The following RBFOX2 variants were observed in gnomAD, a reference collection of about 807,000 sequenced individuals.
RBFOX2 encodes the protein RNA binding protein fox-1 homolog 2.
Under a neutral mutation model 49.1 loss-of-function variants are expected in RBFOX2, and 10 were observed. That is an observed-to-expected ratio of 0.20 (90% CI 0.13 to 0.35). The LOEUF is 0.35. RBFOX2 is among the 10% of genes least tolerant of loss of function. The pLI, the probability that RBFOX2 is intolerant of heterozygous loss-of-function variation, is 1.00. For missense variants in RBFOX2, 323 were observed against 486.9 expected, an observed-to-expected ratio of 0.66 and a Z score of 3.17; for synonymous variants, 183 against 187.4, an observed-to-expected ratio of 0.98 and a Z score of 0.19.
intron 2 of RBFOX2, among the ~76,000 whole-genome samples, chr22:35,787,142 T>G (rs1946574107): frequency 1.3e-5 from 2 of 152,130 alleles, no homozygotes; most frequent in Non-Finnish European, 2.9e-5. Context: ...TGGGTTCAAC[T>G]GATCCTCCTG....
chr22:35,906,948 T>C (rs1164759249), intron 1 of RBFOX2, among the ~76,000 whole-genome samples: 2 of 152,198 alleles, frequency 1.3e-5, no homozygotes, highest in Admixed American at 6.5e-5. Flanking sequence ...ATCCTTACCA[T>C]AATCTTGTAT....
At chr22:35,916,375 G>A (rs933603223) in intron 1 of RBFOX2, among the ~76,000 whole-genome samples, 2 of 152,132 alleles carry the variant, frequency 1.3e-5, no homozygotes, top group African/African-American at 4.8e-5. Flanking sequence ...TCTGCCTCCC[G>A]GATTCAAGCA....
intron 1 of RBFOX2, among the ~76,000 whole-genome samples, chr22:35,923,512 C>T (rs1776889269): frequency 6.6e-6 from 1 of 152,164 alleles, no homozygotes; most frequent in Admixed American, 6.5e-5. Flanking sequence ...GCTGAGACTA[C>T]AGGTGCACAC....
chr22:35,780,692 T>C (rs1944965001), intron 3 of RBFOX2, among the ~76,000 whole-genome samples: 1 of 152,260 alleles, frequency 6.6e-6, no homozygotes, highest in African/African-American at 2.4e-5. Context: ...TTATTTCATT[T>C]AATTTATAAC....
At chr22:36,027,970 C>T (rs904207711) in intron 1 of RBFOX2, among the ~76,000 whole-genome samples, 1 of 152,154 alleles carries the variant, frequency 6.6e-6, no homozygotes, top group Non-Finnish European at 1.5e-5. Context: ...TCCATCTCAA[C>T]CTTGTTCGAT....
Position 35,990,084 on chromosome 22 carries a change from G to A in RBFOX2, c.186+38156C>T, listed in dbSNP as rs541596743. Among the ~76,000 whole-genome samples, 71 of 152,298 alleles carry A rather than the reference G, an allele frequency of 4.7e-4. No individual in the cohort carries two copies. The South Asian group carries it at 0.014, about 30-fold the overall frequency. ...TGTAATTCCAGCTACTCAGGAGGCT[G>A]AGGCAGAAGAATCGCTTCAACTCAG... On this transcript the variant is annotated intron_variant, in intron 1 of 13. Coordinates refer to the RBFOX2 transcript ENST00000438146.
chr22:35,806,415 G>A (rs983441308), intron 2 of RBFOX2, among the ~76,000 whole-genome samples: 1 of 152,066 alleles, frequency 6.6e-6, no homozygotes, highest in Non-Finnish European at 1.5e-5. Context: ...GGCGCGTGGG[G>A]AATGAAGCTA....
At chr22:35,893,509 C>T (rs938061442) in intron 1 of RBFOX2, among the ~76,000 whole-genome samples, 1 of 152,172 alleles carries the variant, frequency 6.6e-6, no homozygotes, top group Non-Finnish European at 1.5e-5. Context: ...GTCAACAGGG[C>T]TGATCAATCC....
upstream of RBFOX2, among the ~76,000 whole-genome samples, chr22:35,842,012 G>A (rs2040558562): frequency 6.6e-6 from 1 of 152,070 alleles, no homozygotes; most frequent in South Asian, 2.1e-4. Context: ...AGGCAACATG[G>A]CAAATCCCTA....
At chr22:35,915,166 A>G (rs2050267564) in intron 1 of RBFOX2, among the ~76,000 whole-genome samples, 2 of 152,186 alleles carry the variant, frequency 1.3e-5, no homozygotes, top group Non-Finnish European at 1.5e-5. Context: ...CTCCTTTAAG[A>G]GCAGCCCCAT....
chr22:35,739,771 T>C (rs1230533396), exon 12 of RBFOX2: 4 of 152,568 alleles, frequency 2.6e-5, no homozygotes, highest in Non-Finnish European at 4.4e-5. Context: ...CCCTTTTTGC[T>C]CGCCAGTGTG....
At chr22:35,868,996 C>CCTTT (rs2044021229) in intron 1 of RBFOX2, among the ~76,000 whole-genome samples, 1 of 152,162 alleles carries the variant, frequency 6.6e-6, no homozygotes, top group South Asian at 2.1e-4. Flanking sequence ...AAGGGCTTTA[C>CCTTT]CTTTATTTCT....
intron 2 of RBFOX2, among the ~76,000 whole-genome samples, chr22:35,808,993 A>G (rs1009910777): frequency 6.6e-6 from 1 of 152,026 alleles, no homozygotes. Flanking sequence ...TACGGAGTTC[A>G]GATTATATTC....
intron 2 of RBFOX2, among the ~76,000 whole-genome samples, chr22:35,785,577 A>G (rs1171756223): frequency 2.0e-5 from 3 of 152,200 alleles, no homozygotes; most frequent in Admixed American, 6.5e-5. Context: ...GTTGGCAACC[A>G]TCTTGAAATG....
chr22:35,874,296 G>GTT (rs903692436), intron 1 of RBFOX2, among the ~76,000 whole-genome samples: 16 of 151,960 alleles, frequency 1.1e-4, no homozygotes, highest in African/African-American at 3.6e-4. Context: ...TTTACCTAGA[G>GTT]TAAGTTTAAT....
At chr22:35,818,756 C>T (rs1265143193) in intron 1 of RBFOX2, among the ~76,000 whole-genome samples, 1 of 152,190 alleles carries the variant, frequency 6.6e-6, no homozygotes, top group Non-Finnish European at 1.5e-5. Flanking sequence ...CACTGTACTC[C>T]ATCCTGAGCA....
chr22:35,965,284 A>G (rs143231758), upstream of RBFOX2, among the ~76,000 whole-genome samples: 14 of 152,330 alleles, frequency 9.2e-5, no homozygotes, highest in East Asian at 2.7e-3. Context: ...CCAGGTTCAG[A>G]ATTGAGAGAT....
At chr22:35,801,616 G>A (rs1949803764) in intron 2 of RBFOX2, among the ~76,000 whole-genome samples, 2 of 152,074 alleles carry the variant, frequency 1.3e-5, no homozygotes. Context: ...CTTGAGGTCA[G>A]GAGTTCGAGA....
chr22:36,018,478 A>T (rs1319679850), intron 1 of RBFOX2, among the ~76,000 whole-genome samples: 1 of 152,242 alleles, frequency 6.6e-6, no homozygotes, highest in East Asian at 1.9e-4. Context: ...AAGCCACTGG[A>T]CATGGACTTG....
Sources: allele counts gnomAD v4.1 joint callset (sites outside exome capture counted in the v4.1 genomes callset), GRCh38; gene constraint gnomAD v4.1.1; transcripts MANE v1.5; gene names NCBI Gene and HGNC (gene_info 2026-07-23, HGNC 2026-07-21).